Variants in PIK3AP1 observed in about 807,000 individuals in gnomAD.
PIK3AP1 encodes phosphoinositide-3-kinase adaptor protein 1, also known as phosphoinositide 3-kinase adapter protein 1.
In PIK3AP1, 21 loss-of-function variants were observed where a neutral mutation model predicts 88.1. That is an observed-to-expected ratio of 0.24 (90% CI 0.17 to 0.34). The LOEUF (loss-of-function observed/expected upper bound fraction) is 0.34. PIK3AP1 is among the 10% of genes least tolerant of loss of function. The pLI is 1.00. For synonymous variants in PIK3AP1, 398 were observed against 400.0 expected (o/e 1.00, Z 0.06); for missense variants, 828 against 1,035.7 (o/e 0.80, Z 2.75).
chr10:96,710,059 G>C, intron 1 of PIK3AP1, 76 bp from the exon 2 acceptor site: 2 of 1,435,816 alleles, frequency 1.4e-6, no homozygotes, highest in East Asian at 2.3e-5. Context: ...TGCAAAGGTA[G>C]AGCATCCAGA....
At position 96,651,383 on chromosome 10, in the gene PIK3AP1, G is replaced by C; in HGVS notation, c.856-3C>G. 1.2e-6 allele frequency: 2 copies of C among 1,614,162 alleles called. No individual in the cohort carries two copies. Among genetic ancestry groups the C allele is most frequent in the Non-Finnish European group, 1.7e-6 (2 of 1,180,022 alleles). On this transcript the variant is annotated splice_region_variant and splice_polypyrimidine_tract_variant and intron_variant, in intron 5 of 16. Transcript: ENST00000339364. ...TTGTAGGGCACAATTTTAAAGGCCT[G>C]AAAACAAAAGTGAAGATGGTCAGAT...
At chr10:96,694,281 G>A (rs1182096657) in intron 2 of PIK3AP1, among the ~76,000 whole-genome samples, 3 of 152,046 alleles carry the variant, frequency 2.0e-5, no homozygotes, top group Non-Finnish European at 2.9e-5. Context: ...AGTCTCCCCT[G>A]GATCTTGCAC....
At chr10:96,690,065 A>G (rs765109740) in intron 2 of PIK3AP1, among the ~76,000 whole-genome samples, 1 of 152,130 alleles carries the variant, frequency 6.6e-6, no homozygotes, top group Non-Finnish European at 1.5e-5. Context: ...TTCAGACTAC[A>G]CTGTGCTTAT....
chr10:96,598,986 A>G (rs981780150), intron 16 of PIK3AP1, among the ~76,000 whole-genome samples: 26 of 152,230 alleles, frequency 1.7e-4, no homozygotes, highest in African/African-American at 6.3e-4. Flanking sequence ...ATGCCAGGCA[A>G]TGGCATCATC....
intron 2 of PIK3AP1, among the ~76,000 whole-genome samples, chr10:96,676,653 G>A (rs1012516022): frequency 4.4e-5 from 5 of 114,006 alleles, no homozygotes; most frequent in Non-Finnish European, 8.0e-5. Context: ...GATTTTCTGG[G>A]GTTTTTTTTT....
At chr10:96,681,935 G>A (rs1172757489) in intron 2 of PIK3AP1, among the ~76,000 whole-genome samples, 54 of 151,096 alleles carry the variant, frequency 3.6e-4, no homozygotes, top group Admixed American at 3.6e-3. Context: ...AAAAGTAATT[G>A]GTATACTTTC....
At chr10:96,697,584 C>T (rs1393782138) in intron 2 of PIK3AP1, among the ~76,000 whole-genome samples, 2 of 151,778 alleles carry the variant, frequency 1.3e-5, no homozygotes, top group East Asian at 3.9e-4. Flanking sequence ...TTTTAATTAG[C>T]CGGGCATGAT....
chr10:96,708,575 A>C (rs1844394918), intron 2 of PIK3AP1, among the ~76,000 whole-genome samples: 1 of 117,834 alleles, frequency 8.5e-6, no homozygotes, highest in Non-Finnish European at 1.8e-5. Flanking sequence ...GATCTGTCTC[A>C]AAAAAAAAAA....
chr10:96,679,921 C>G (rs1295337154), intron 2 of PIK3AP1, among the ~76,000 whole-genome samples: 1 of 152,178 alleles, frequency 6.6e-6, no homozygotes, highest in Non-Finnish European at 1.5e-5. Flanking sequence ...GTTCACATGA[C>G]CAGTCACTGT....
At chr10:96,663,627 C>CAAAAAA (rs373081849) in intron 2 of PIK3AP1, among the ~76,000 whole-genome samples, 4 of 42,990 alleles carry the variant, frequency 9.3e-5, no homozygotes, top group Non-Finnish European at 1.3e-4. Flanking sequence ...GAGACTCCGT[C>CAAAAAA]AAAAAAAAAA....
At chr10:96,716,497 A>G (rs565737577) in intron 1 of PIK3AP1, among the ~76,000 whole-genome samples, 1 of 152,182 alleles carries the variant, frequency 6.6e-6, no homozygotes, top group African/African-American at 2.4e-5. Flanking sequence ...AATGAGGACA[A>G]TGAAATCTAT....
chr10:96,607,778 G>A (rs1327903385), intron 14 of PIK3AP1, among the ~76,000 whole-genome samples: 1 of 152,200 alleles, frequency 6.6e-6, no homozygotes, highest in African/African-American at 2.4e-5. Context: ...AGGGCTTACT[G>A]CTGAATGCTG....
At chr10:96,703,317 G>A (rs935128073) in intron 2 of PIK3AP1, among the ~76,000 whole-genome samples, 1 of 152,084 alleles carries the variant, frequency 6.6e-6, no homozygotes, top group African/African-American at 2.4e-5. Context: ...TGATACTTGT[G>A]GGTACCATGA....
intron 2 of PIK3AP1, among the ~76,000 whole-genome samples, chr10:96,688,170 G>C (rs1183829684): frequency 6.6e-6 from 1 of 152,038 alleles, no homozygotes; most frequent in African/African-American, 2.4e-5. Flanking sequence ...CTGTTGATTC[G>C]ACAGGCACTT....
intron 2 of PIK3AP1, among the ~76,000 whole-genome samples, chr10:96,667,023 G>A (rs181172257): frequency 1.3e-5 from 2 of 152,340 alleles, no homozygotes; most frequent in Admixed American, 6.5e-5. Flanking sequence ...TAAAGGTGCT[G>A]CCTTGTTCCG....
intron 2 of PIK3AP1, among the ~76,000 whole-genome samples, chr10:96,660,078 G>C (rs1843665498): frequency 6.6e-6 from 1 of 151,976 alleles, no homozygotes; most frequent in African/African-American, 2.4e-5. Context: ...CCAGAATTAA[G>C]GCTTCATTCC....
intron 2 of PIK3AP1, among the ~76,000 whole-genome samples, chr10:96,691,799 T>C (rs2134274526): frequency 6.6e-6 from 1 of 152,334 alleles, no homozygotes; most frequent in South Asian, 2.1e-4. Flanking sequence ...CAAGTTCCCA[T>C]AGTTATGGTA....
At chr10:96,719,639 A>G (rs945194669) in intron 1 of PIK3AP1, among the ~76,000 whole-genome samples, 1 of 152,178 alleles carries the variant, frequency 6.6e-6, no homozygotes, top group African/African-American at 2.4e-5. Context: ...CTCCGTTATC[A>G]TCATTATGTG....
chr10:96,612,946 GTGTGTATATATATATATATA>G (rs1348319247), intron 13 of PIK3AP1, among the ~76,000 whole-genome samples: 12 of 42,202 alleles, frequency 2.8e-4, no homozygotes, highest in African/African-American at 9.4e-4. Context: ...AATTGTGTGT[GTGTGTATATATATATATATA>G]TATATATATA....
Sources: gnomAD v4.1 joint callset for allele counts (sites outside exome capture counted in the v4.1 genomes callset) on GRCh38, gnomAD v4.1.1 for gene constraint, MANE v1.5 for transcripts, NCBI Gene and HGNC (gene_info 2026-07-23, HGNC 2026-07-21) for gene names.